Variants in EBF2 observed in about 807,000 individuals in gnomAD.
EBF2 encodes the protein EBF transcription factor 2.
EBF2 carries 21 observed loss-of-function variants against 72.8 expected under a neutral mutation model. The observed-to-expected ratio is 0.29, with a 90% CI of 0.20 to 0.42. The LOEUF is 0.42. EBF2 is among the 10% of genes least tolerant of loss of function. The probability of loss-of-function intolerance (pLI) is 1.00; values close to 1 mark genes in which losing one functional copy is unlikely to be tolerated. For missense variants in EBF2, 637 were observed against 731.2 expected (o/e 0.87, Z 1.49); for synonymous variants, 299 against 274.2 (o/e 1.09, Z -0.89).
intron 6 of EBF2, among the ~76,000 whole-genome samples, chr8:26,010,872 T>C (rs1406925986): frequency 2.0e-5 from 3 of 152,168 alleles, no homozygotes; most frequent in Admixed American, 6.5e-5. Flanking sequence ...TTGAAAGATA[T>C]TGACAAATAT....
intron 6 of EBF2, among the ~76,000 whole-genome samples, chr8:25,933,016 G>T (rs780429155): frequency 6.6e-6 from 1 of 152,054 alleles, no homozygotes; most frequent in South Asian, 2.1e-4. Context: ...GTGCTTAAAG[G>T]GGCAGCCCAT....
At chr8:25,960,037 G>A (rs1361049963) in intron 6 of EBF2, among the ~76,000 whole-genome samples, 6 of 152,206 alleles carry the variant, frequency 3.9e-5, no homozygotes, top group Non-Finnish European at 5.9e-5. Context: ...AACTTTGAGT[G>A]TGTCTATTTC....
At chr8:25,894,835 A>C (rs1462186177) in intron 7 of EBF2, among the ~76,000 whole-genome samples, 1 of 152,214 alleles carries the variant, frequency 6.6e-6, no homozygotes, top group African/African-American at 2.4e-5. Flanking sequence ...GCTTTAAAAG[A>C]AGCAAATGTA....
At chr8:26,040,170 C>G in intron 4 of EBF2, 69 bp from the exon 5 acceptor site, 1 of 1,503,936 alleles carries the variant, frequency 6.6e-7, no homozygotes, top group Non-Finnish European at 9.2e-7. Context: ...GAAGGGACTT[C>G]AGAACAAGCA....
chr8:25,929,718 G>C (rs1803450189), intron 6 of EBF2, among the ~76,000 whole-genome samples: 1 of 152,128 alleles, frequency 6.6e-6, no homozygotes, highest in South Asian at 2.1e-4. Context: ...AAACACACAT[G>C]AGTAAGGTCA....
chr8:25,854,811 G>C (rs951765081), intron 14 of EBF2, among the ~76,000 whole-genome samples: 8 of 152,080 alleles, frequency 5.3e-5, no homozygotes, highest in African/African-American at 1.9e-4. Flanking sequence ...GAATGTCTTA[G>C]TATTTATTTT....
chr8:26,015,161 G>A (rs1475992555), intron 6 of EBF2, among the ~76,000 whole-genome samples: 1 of 152,150 alleles, frequency 6.6e-6, no homozygotes, highest in Non-Finnish European at 1.5e-5. Flanking sequence ...AAAGGTCATG[G>A]TGCTGTGACC....
At chr8:26,018,080 T>A (rs1011632391) in intron 6 of EBF2, among the ~76,000 whole-genome samples, 3 of 151,276 alleles carry the variant, frequency 2.0e-5, no homozygotes, top group Admixed American at 6.6e-5. Flanking sequence ...CAAGGATCCC[T>A]AGGGAGACAA....
intron 10 of EBF2, among the ~76,000 whole-genome samples, chr8:25,869,897 T>C (rs1304772515): frequency 6.6e-6 from 1 of 152,206 alleles, no homozygotes; most frequent in Non-Finnish European, 1.5e-5. Context: ...CCATTTTCAA[T>C]GCAGTCCCAA....
intron 5 of EBF2, among the ~76,000 whole-genome samples, chr8:26,034,500 G>A (rs999257602): frequency 6.6e-6 from 1 of 152,104 alleles, no homozygotes; most frequent in Non-Finnish European, 1.5e-5. Context: ...ACCTGAGAGG[G>A]GTGCAAAACA....
intron 7 of EBF2, among the ~76,000 whole-genome samples, chr8:25,902,474 C>A (rs1483908744): frequency 6.6e-6 from 1 of 151,750 alleles, no homozygotes; most frequent in East Asian, 1.9e-4. Flanking sequence ...TTCCTTTTTT[C>A]TTTTGCTCTC....
intron 6 of EBF2, among the ~76,000 whole-genome samples, chr8:25,955,428 T>C (rs1425065367): frequency 1.3e-5 from 2 of 152,220 alleles, no homozygotes; most frequent in Non-Finnish European, 2.9e-5. Flanking sequence ...GGTAGCATTA[T>C]GTATTTTGTG....
At chr8:25,908,600 T>A in intron 6 of EBF2, 45 bp from the exon 7 acceptor site, 1 of 1,314,970 alleles carries the variant, frequency 7.6e-7, no homozygotes, top group Non-Finnish European at 1.1e-6. Flanking sequence ...TAAACATTTT[T>A]AAAGGGAGAA....
rs553408869 is a variant in EBF2, at chr8:25,944,094, A to T, written c.552-35539T>A. 4.6e-5 allele frequency among the ~76,000 whole-genome samples: 7 copies of T among 152,310 alleles called. No individual in the cohort carries two copies. In the South Asian group the frequency reaches 1.4e-3, roughly 32 times the overall value. On this transcript the variant is annotated intron_variant, in intron 6 of 15. Coordinates refer to ENST00000520164, the MANE Select transcript of EBF2 (RefSeq NM_022659.4). ...GTCAACTCCTTATAGTTTTCTATTT[A>T]AGTTATGCTAAGCACTTGTGTATGG...
At chr8:25,920,510 AT>A (rs1212818086) in intron 6 of EBF2, among the ~76,000 whole-genome samples, 1 of 152,092 alleles carries the variant, frequency 6.6e-6, no homozygotes, top group African/African-American at 2.4e-5. Context: ...TTGTTTGGCT[AT>A]TTTCTTCAGC....
At chr8:25,862,599 C>T in intron 11 of EBF2, 110 bp downstream of exon 11, 1 of 721,090 alleles carries the variant, frequency 1.4e-6, no homozygotes, top group Non-Finnish European at 2.1e-6. Context: ...AAAGCTTAGC[C>T]AAATTTCAAG....
chr8:25,950,006 A>T (rs565270364), intron 6 of EBF2, among the ~76,000 whole-genome samples: 34 of 152,316 alleles, frequency 2.2e-4, no homozygotes, highest in Non-Finnish European at 4.1e-4. Context: ...GGCCAAGGAG[A>T]TCTGGGATTC....
At chr8:25,913,615 C>T (rs1803165735) in intron 6 of EBF2, among the ~76,000 whole-genome samples, 1 of 152,152 alleles carries the variant, frequency 6.6e-6, no homozygotes, top group Non-Finnish European at 1.5e-5. Flanking sequence ...CTGGAAACAA[C>T]TTCTGCTATG....
chr8:25,955,896 C>T (rs142241144), intron 6 of EBF2, among the ~76,000 whole-genome samples: 44 of 152,274 alleles, frequency 2.9e-4, no homozygotes, highest in African/African-American at 9.6e-4. Flanking sequence ...ACACTGCTCT[C>T]CCAAGAACTG....
Sources: gnomAD v4.1 joint callset for allele counts (sites outside exome capture counted in the v4.1 genomes callset) on GRCh38, gnomAD v4.1.1 for gene constraint, MANE v1.5 for transcripts, NCBI Gene and HGNC (gene_info 2026-07-23, HGNC 2026-07-21) for gene names.